NOS1AP: variants seen among roughly 807,000 people sequenced by gnomAD.
The protein encoded by NOS1AP is nitric oxide synthase 1 adaptor protein, also known as carboxyl-terminal PDZ ligand of neuronal nitric oxide synthase protein.
A neutral mutation model predicts 56.2 loss-of-function variants in NOS1AP; 21 were observed. The observed-to-expected ratio is 0.37, with a 90% CI of 0.26 to 0.54. The LOEUF (loss-of-function observed/expected upper bound fraction) is 0.54. Among genes scored for constraint, NOS1AP ranks in the 20% least tolerant of loss-of-function variants. NOS1AP has a pLI of 0.84. For missense variants in NOS1AP, 522 were observed against 657.8 expected, an observed-to-expected ratio of 0.79 and a Z score of 2.26; for synonymous variants, 270 against 274.6, an observed-to-expected ratio of 0.98 and a Z score of 0.17.
intron 4 of NOS1AP, among the ~76,000 whole-genome samples, chr1:162,300,992 C>T (rs1168388791): frequency 6.6e-6 from 1 of 152,016 alleles, no homozygotes; most frequent in East Asian, 1.9e-4. Flanking sequence ...CTAGTGTTGT[C>T]CCAATTGAAA....
chr1:162,331,543 A>G (rs1355690284), intron 4 of NOS1AP, among the ~76,000 whole-genome samples: 2 of 152,194 alleles, frequency 1.3e-5, no homozygotes, highest in Admixed American at 6.5e-5. Flanking sequence ...GAGGGGTGAC[A>G]TAACTTATTT....
rs569632954 is a variant in NOS1AP, at chr1:162,140,360, C to A, written c.106-14045C>A. On this transcript the variant is annotated intron_variant, in intron 1 of 9. Transcript: ENST00000361897. Reference sequence around the variant, plus strand: ...TGCAGGTCTGTTACATGGGTATACCCAATGTTTAGCTCCCATTTATAAGTG... The same window carrying A: ...TGCAGGTCTGTTACATGGGTATACCAAATGTTTAGCTCCCATTTATAAGTG... Among the ~76,000 whole-genome samples the A allele has an allele frequency of 5.2e-4, 79 of 152,086 alleles. 1 individual carries two copies. Among genetic ancestry groups the A allele is most frequent in the Non-Finnish European group, 9.9e-4 (67 of 67,962 alleles).
chr1:162,356,849 A>G, intron 7 of NOS1AP, 111 bp from the exon 8 acceptor site: 1 of 1,602,910 alleles, frequency 6.2e-7, no homozygotes, highest in South Asian at 1.1e-5. Context: ...CTGTCAGCTT[A>G]TGGGTTGTAA....
At chr1:162,155,456 TAGAG>T (rs1159295218) in intron 2 of NOS1AP, among the ~76,000 whole-genome samples, 8 of 141,284 alleles carry the variant, frequency 5.7e-5, no homozygotes, top group South Asian at 2.3e-4. Context: ...TATATATATA[TAGAG>T]AGAGAGAGAG....
At chr1:162,075,126 C>T (rs1437504063) in intron 1 of NOS1AP, among the ~76,000 whole-genome samples, 1 of 152,150 alleles carries the variant, frequency 6.6e-6, no homozygotes, top group Non-Finnish European at 1.5e-5. Context: ...CTGTTTTTTC[C>T]TCTCTGCATA....
At chr1:162,090,638 T>C (rs531337754) in intron 1 of NOS1AP, among the ~76,000 whole-genome samples, 1 of 152,208 alleles carries the variant, frequency 6.6e-6, no homozygotes, top group South Asian at 2.1e-4. Context: ...TATTATTTCT[T>C]TTTAATTAAA....
intron 6 of NOS1AP, among the ~76,000 whole-genome samples, chr1:162,350,781 C>T (rs917022216): frequency 4.7e-5 from 7 of 150,096 alleles, no homozygotes; most frequent in African/African-American, 1.7e-4. Flanking sequence ...TACATACCTG[C>T]AACTTTGTAT....
intron 1 of NOS1AP, among the ~76,000 whole-genome samples, chr1:162,125,912 A>G (rs1430616975): frequency 6.6e-6 from 1 of 152,090 alleles, no homozygotes; most frequent in African/African-American, 2.4e-5. Flanking sequence ...TGAGCAGGGA[A>G]TGTATTGCCA....
At chr1:162,247,657 C>A (rs1184422547) in intron 2 of NOS1AP, among the ~76,000 whole-genome samples, 3 of 152,050 alleles carry the variant, frequency 2.0e-5, no homozygotes, top group African/African-American at 7.3e-5. Context: ...ATGTATCAGG[C>A]TTGAAAACTT....
chr1:162,287,639 A>C (rs560838014), intron 3 of NOS1AP, among the ~76,000 whole-genome samples: 2 of 152,262 alleles, frequency 1.3e-5, no homozygotes, highest in East Asian at 3.9e-4. Context: ...CAGTTGGCTC[A>C]GTCAGTCCTG....
At chr1:162,152,586 T>C (rs1186651103) in intron 1 of NOS1AP, among the ~76,000 whole-genome samples, 2 of 152,220 alleles carry the variant, frequency 1.3e-5, no homozygotes, top group Admixed American at 6.5e-5. Flanking sequence ...TCTAAGTGGT[T>C]TTGTTTACCT....
intron 2 of NOS1AP, among the ~76,000 whole-genome samples, chr1:162,212,924 G>A (rs1286823722): frequency 6.6e-6 from 1 of 152,194 alleles, no homozygotes; most frequent in Non-Finnish European, 1.5e-5. Flanking sequence ...TGAGCCTAGA[G>A]ACTGTTCCTC....
chr1:162,120,787 C>G (rs917810967), intron 1 of NOS1AP, among the ~76,000 whole-genome samples: 3 of 152,164 alleles, frequency 2.0e-5, no homozygotes, highest in Non-Finnish European at 4.4e-5. Context: ...GAGACACAGC[C>G]AAACCATATC....
At chr1:162,270,499 G>A (rs1654549297) in intron 2 of NOS1AP, among the ~76,000 whole-genome samples, 1 of 152,154 alleles carries the variant, frequency 6.6e-6, no homozygotes, top group Non-Finnish European at 1.5e-5. Flanking sequence ...AGTGCTAATT[G>A]CCATAGCAGT....
At chr1:162,093,382 C>G (rs1488218988) in intron 1 of NOS1AP, among the ~76,000 whole-genome samples, 2 of 152,270 alleles carry the variant, frequency 1.3e-5, no homozygotes, top group South Asian at 4.1e-4. Flanking sequence ...GTTGCACAAG[C>G]TTGGTATACC....
intron 2 of NOS1AP, among the ~76,000 whole-genome samples, chr1:162,244,090 C>T (rs1265208260): frequency 1.3e-5 from 2 of 152,164 alleles, no homozygotes; most frequent in African/African-American, 4.8e-5. Flanking sequence ...AGTATTTTTA[C>T]CTGCTCTGCT....
At chr1:162,280,663 A>G (rs1654895174) in intron 2 of NOS1AP, among the ~76,000 whole-genome samples, 1 of 152,220 alleles carries the variant, frequency 6.6e-6, no homozygotes, top group Non-Finnish European at 1.5e-5. Flanking sequence ...ATATAATGAC[A>G]ATGAATATTT....
intron 2 of NOS1AP, among the ~76,000 whole-genome samples, chr1:162,164,065 T>G (rs780167228): frequency 2.2e-4 from 34 of 152,192 alleles, no homozygotes; most frequent in Non-Finnish European, 4.0e-4. Context: ...GTGCTTTGCT[T>G]TATTACAGTT....
At chr1:162,297,040 C>T (rs187872923) in intron 3 of NOS1AP, among the ~76,000 whole-genome samples, 2 of 152,290 alleles carry the variant, frequency 1.3e-5, no homozygotes, top group East Asian at 3.9e-4. Flanking sequence ...TGCTGGCTCC[C>T]CATGGTCAGT....
Sources: allele counts gnomAD v4.1 joint callset (sites outside exome capture counted in the v4.1 genomes callset), GRCh38; gene constraint gnomAD v4.1.1; transcripts MANE v1.5; gene names NCBI Gene and HGNC (gene_info 2026-07-23, HGNC 2026-07-21).